DCLK3: variants seen among roughly 807,000 people sequenced by gnomAD.
DCLK3 encodes the protein serine/threonine-protein kinase DCLK3.
A neutral mutation model predicts 46.4 loss-of-function variants in DCLK3; 30 were observed. The ratio of observed to expected loss-of-function variants is 0.65; its 90% CI spans 0.48 to 0.88. The LOEUF is 0.88. DCLK3 is among the 40% of genes least tolerant of loss of function. The pLI, the probability that DCLK3 is intolerant of heterozygous loss-of-function variation, is 0.00. For synonymous variants in DCLK3, 401 were observed against 339.2 expected (o/e 1.18, Z -2.00); for missense variants, 846 against 907.1 (o/e 0.93, Z 0.87).
chr3:36,741,006 G>A (rs1310597703), intron 1 of DCLK3, among the ~76,000 whole-genome samples: 1 of 152,116 alleles, frequency 6.6e-6, no homozygotes, highest in Non-Finnish European at 1.5e-5. Context: ...ACAAGGTAGT[G>A]GCTGATACTG....
rs114231460 is a variant in DCLK3 at position 36,718,553 on chromosome 3, G to A, written c.2093-376C>T. On this transcript the variant is annotated intron_variant, in intron 3 of 4. Coordinates refer to ENST00000636136, the MANE Select transcript of DCLK3 (RefSeq NM_001394672.2). ...GAACAGCACATACATCAGTTCAGGC[G>A]TTGTCAAACACATGTAGTGAGTCAC... Among the ~76,000 whole-genome samples the A allele has an allele frequency of 1.0e-3, 155 of 152,328 alleles. 1 individual carries two copies. Among genetic ancestry groups the A allele is most frequent in the African/African-American group, 3.6e-3 (150 of 41,574 alleles).
chr3:36,751,058 T>G (rs1343486272), intron 1 of DCLK3, among the ~76,000 whole-genome samples: 1 of 45,546 alleles, frequency 2.2e-5, no homozygotes, highest in Non-Finnish European at 4.8e-5. Context: ...GTAGACGGGA[T>G]GATCTAAAAA....
intron 1 of DCLK3, among the ~76,000 whole-genome samples, chr3:36,759,610 G>A (rs1298196262): frequency 2.6e-5 from 4 of 152,312 alleles, no homozygotes; most frequent in Middle Eastern, 3.4e-3. Context: ...TCTGCTCCCT[G>A]ATCAAGTCCT....
chr3:36,763,348 T>C (rs1701555694), intron 1 of DCLK3, among the ~76,000 whole-genome samples: 1 of 152,258 alleles, frequency 6.6e-6, no homozygotes, highest in Admixed American at 6.5e-5. Flanking sequence ...AGGCAGATAC[T>C]CTGAAAAGGT....
rs138835157 is a variant in DCLK3, at chr3:36,744,404, C to G, written c.83-5320G>C. Among the ~76,000 whole-genome samples the G allele has an allele frequency of 6.2e-3, 948 of 152,346 alleles. 10 individuals carry two copies. The highest frequency in any genetic ancestry group is 0.016 in the African/African-American group (677 of 41,570). On this transcript the variant is annotated intron_variant, in intron 1 of 4. Transcript: ENST00000636136. ...TTGACAAAGTAGCATTTCTGAAGAA[C>G]AACTCATAGAGGTAGGGGACAGCAG...
intron 2 of DCLK3, chr3:36,729,680 C>G (rs1051000688): frequency 6.6e-6 from 1 of 152,214 alleles, no homozygotes; most frequent in Admixed American, 6.5e-5. Flanking sequence ...GACCAAACAA[C>G]AAGTGGCTCC....
At chr3:36,745,967 G>A (rs892896672) in intron 1 of DCLK3, among the ~76,000 whole-genome samples, 4 of 152,190 alleles carry the variant, frequency 2.6e-5, no homozygotes, top group Non-Finnish European at 5.9e-5. Context: ...CAGAGCTGTA[G>A]AAATTAATAA....
intron 1 of DCLK3, among the ~76,000 whole-genome samples, chr3:36,750,026 T>C (rs1258969511): frequency 1.3e-5 from 2 of 152,120 alleles, no homozygotes; most frequent in Admixed American, 1.3e-4. Flanking sequence ...CAAGAAGAAA[T>C]AAATTTCTTT....
intron 2 of DCLK3, among the ~76,000 whole-genome samples, chr3:36,730,543 G>C (rs888664431): frequency 1.3e-5 from 2 of 152,204 alleles, no homozygotes; most frequent in African/African-American, 4.8e-5. Context: ...CTCAGGCAGT[G>C]ATAAGCGTTA....
At chr3:36,732,548 A>G (rs981675328) in intron 2 of DCLK3, among the ~76,000 whole-genome samples, 2 of 152,216 alleles carry the variant, frequency 1.3e-5, no homozygotes, top group Non-Finnish European at 2.9e-5. Context: ...CAGCATTCTC[A>G]CTGACTCGAT....
At chr3:36,744,836 C>T (rs1701379890) in intron 1 of DCLK3, among the ~76,000 whole-genome samples, 1 of 152,168 alleles carries the variant, frequency 6.6e-6, no homozygotes, top group Non-Finnish European at 1.5e-5. Flanking sequence ...CTCCAGCAAA[C>T]CTAAGCAAAC....
chr3:36,737,994 G>A lies in DCLK3; in HGVS notation c.1173C>T (p.Asp391=), dbSNP rs767479110. Residue 391 remains aspartate (D), a synonymous_variant, in exon 2 of 5, where the codon GAC becomes GAT. Coordinates refer to ENST00000636136, the MANE Select transcript of DCLK3 (RefSeq NM_001394672.2). The surrounding 1 kb of genome is among the most constrained non-coding windows in gnomAD (Gnocchi z 4.4). ...QELRRPSKSM[D]KKEDRGPEDQ... is the part of the protein sequence containing the mutation. ...CCTCTGGGCCTCTGTCCTCTTTCTT[G>A]TCCATGCTCTTGCTGGGTCTCCTCA... The A allele has an allele frequency of 1.9e-6, 3 of 1,614,092 alleles. No individual in the cohort carries two copies. Among genetic ancestry groups the A allele is most frequent in the African/African-American group, 1.3e-5 (1 of 75,002 alleles).
intron 1 of DCLK3, among the ~76,000 whole-genome samples, chr3:36,749,474 A>T (rs1701420636): frequency 6.6e-6 from 1 of 152,238 alleles, no homozygotes; most frequent in African/African-American, 2.4e-5. Context: ...TGCAGAAATC[A>T]TTCTAAAAGC....
rs1014577433 is a variant in DCLK3 at position 36,752,697 on chromosome 3, C to T, written c.82+11485G>A. On this transcript the variant is annotated intron_variant, in intron 1 of 4. Transcript: ENST00000636136. ...TCCAAGAGGCCTTACCTGAAAGACC[C>T]TCAAATTGCTCCATCCCCCTCCCTC... Among the ~76,000 whole-genome samples the T allele has an allele frequency of 3.3e-5, 5 of 152,260 alleles. No homozygotes were observed. The East Asian group carries it at 5.8e-4, about 18-fold the overall frequency.
rs368447320 is a variant in DCLK3, at chr3:36,738,600, G to A, written c.567C>T (p.Pro189=). ...SIQVAVEELY[P]NKARALTLAQ... is the part of the protein sequence containing the mutation. ...CCAGTGTCAGGGCCCGGGCTTTGTT[G>A]GGGTACAGTTCTTCTACAGCCACCT... The change falls in exon 2 of 5, where the codon CCC becomes CCT. Residue 189 remains proline (P), a synonymous_variant. Transcript: ENST00000636136. The A allele has an allele frequency of 6.6e-5, 92 of 1,393,874 alleles. No homozygotes were observed. In the African/African-American group the frequency reaches 1.2e-3, roughly 18 times the overall value. The allele number at this position is 1,393,874 out of a possible 1,614,324, so 86.3% of individuals were successfully genotyped here. A position where few individuals can be genotyped will look rare whatever the true frequency, so the allele number is the denominator to read the frequency against.
intron 2 of DCLK3, among the ~76,000 whole-genome samples, chr3:36,728,318 G>A (rs900859479): frequency 6.6e-6 from 1 of 152,088 alleles, no homozygotes; most frequent in African/African-American, 2.4e-5. Flanking sequence ...ATGACAACTT[G>A]ACTGGATTAA....
chr3:36,737,366 C>A lies in DCLK3; in HGVS notation c.1801G>T (p.Glu601Ter), dbSNP rs778330901. 1 of 1,614,158 alleles carries A rather than the reference C, an allele frequency of 6.2e-7. No individual in the cohort carries two copies. Reference sequence around the variant, plus strand: ...AAAAGGTCTCCTCCCTGCACGTACTCCAGGATCAGGTAGATTTCCATGTCT... The same window carrying A: ...AAAAGGTCTCCTCCCTGCACGTACTACAGGATCAGGTAGATTTCCATGTCT... ...ETDMEIYLIL[E>*]YVQGGDLFDA... Residue 601 changes from glutamate (E) to a stop codon, truncating the protein, a stop_gained, in exon 2 of 5, where the codon GAG (glutamate) becomes TAG (stop). Transcript: ENST00000636136. LOFTEE classifies it high-confidence loss of function. This position sits in a 1 kb window ranked among gnomAD's most constrained non-coding sequence, Gnocchi z 4.4.
At chr3:36,729,257 G>A (rs955199269) in intron 2 of DCLK3, among the ~76,000 whole-genome samples, 7 of 150,648 alleles carry the variant, frequency 4.6e-5, no homozygotes, top group South Asian at 2.1e-4. Context: ...GTGGGGGGGG[G>A]GGGTACAAAA....
rs1379515818 is a variant in DCLK3 at position 36,715,239 on chromosome 3, A to G, written c.*89T>C. 1 of 1,423,792 alleles carries G rather than the reference A, an allele frequency of 7.0e-7. No individual in the cohort carries two copies. The highest frequency in any genetic ancestry group is 9.5e-7 in the Non-Finnish European group (1 of 1,053,162). 88.2% of individuals were successfully genotyped at this position (1,423,792 alleles called of 1,614,324 possible). On this transcript the variant is annotated 3_prime_UTR_variant, in exon 5 of 5. Coordinates refer to ENST00000636136, the MANE Select transcript of DCLK3 (RefSeq NM_001394672.2). The stretch of plus-strand genomic sequence containing the variant: ...CTCTGATTCACCAATTATGTGAAGA[A>G]GCCTCTTTCATTGTTTTTCTCTCAA...
Sources: allele counts gnomAD v4.1 joint callset (sites outside exome capture counted in the v4.1 genomes callset), GRCh38; gene constraint gnomAD v4.1.1; non-coding constraint Gnocchi (gnomAD v3.1); transcripts MANE v1.5; gene names NCBI Gene and HGNC (gene_info 2026-07-23, HGNC 2026-07-21).